Variants in ZFHX3 observed in about 807,000 individuals in gnomAD.
ZFHX3 encodes zinc finger homeobox 3.
In ZFHX3, 42 loss-of-function variants were observed where a neutral mutation model predicts 279.1. That is an observed-to-expected ratio of 0.15 (90% CI 0.12 to 0.19). The LOEUF (loss-of-function observed/expected upper bound fraction) is 0.19. ZFHX3 is among the 10% of genes least tolerant of loss of function. ZFHX3 has a pLI of 1.00. For synonymous variants in ZFHX3, 2,293 were observed against 1,957.8 expected, an observed-to-expected ratio of 1.17 and a Z score of -4.52; for missense variants, 4,981 against 4,754.0, an observed-to-expected ratio of 1.05 and a Z score of -1.40.
At chr16:73,241,999 C>T (rs964565158) in intron 5 of ZFHX3, among the ~76,000 whole-genome samples, 4 of 152,066 alleles carry the variant, frequency 2.6e-5, no homozygotes, top group Non-Finnish European at 4.4e-5. Context: ...CACTGTGAGG[C>T]TTAAATGAGA....
rs57632636 is a variant in ZFHX3, at chr16:73,090,911, G to GAAAAAAA, written c.-533+2317_-533+2323dup. Among the ~76,000 whole-genome samples the GAAAAAAA allele has an allele frequency of 9.8e-4, 106 of 108,288 alleles. 2 individuals are homozygous for GAAAAAAA. Among genetic ancestry groups the GAAAAAAA allele is most frequent in the African/African-American group, 4.0e-3 (76 of 19,168 alleles). The allele number at this position is 108,288 out of a possible 152,430, so 71.0% of individuals were successfully genotyped here. A position where few individuals can be genotyped will look rare whatever the true frequency, so the allele number is the denominator to read the frequency against. ...GGGAGACAGAGTAAGATCCCATATT[G>GAAAAAAA]AAAAAAAAAAAAAAAAAAGGCAAGG... On this transcript the variant is annotated intron_variant, in intron 8 of 17. Transcript: ENST00000641206.
intron 5 of ZFHX3, among the ~76,000 whole-genome samples, chr16:73,234,372 G>A (rs181786627): frequency 3.0e-4 from 46 of 152,276 alleles, no homozygotes; most frequent in Admixed American, 3.3e-4. Flanking sequence ...ACAGCCATGC[G>A]CGCCAGCCAC....
chr16:73,798,491 C>T (rs1960058715), intron 1 of ZFHX3, among the ~76,000 whole-genome samples: 1 of 152,072 alleles, frequency 6.6e-6, no homozygotes, highest in Admixed American at 6.6e-5. Flanking sequence ...GAAATGGGAA[C>T]CCAAACCATA....
At chr16:73,766,309 T>C (rs1216954778) in intron 1 of ZFHX3, among the ~76,000 whole-genome samples, 1 of 152,224 alleles carries the variant, frequency 6.6e-6, no homozygotes, top group Non-Finnish European at 1.5e-5. Flanking sequence ...TAAGATATTT[T>C]AACTTAAAAT....
At chr16:73,402,049 A>G (rs1031528736) in intron 3 of ZFHX3, 1 of 152,258 alleles carries the variant, frequency 6.6e-6, no homozygotes, top group African/African-American at 2.4e-5. Context: ...GGAAAGGAAC[A>G]TGACAGATTT....
chr16:73,357,179 G>C (rs954738684), intron 3 of ZFHX3, among the ~76,000 whole-genome samples: 1 of 151,812 alleles, frequency 6.6e-6, no homozygotes, highest in African/African-American at 2.4e-5. Context: ...GGAAAACCCA[G>C]ACTAAGAGAA....
intron 1 of ZFHX3, among the ~76,000 whole-genome samples, chr16:73,888,666 G>A (rs931966893): frequency 6.6e-6 from 1 of 152,140 alleles, no homozygotes; most frequent in African/African-American, 2.4e-5. Flanking sequence ...CATTTCAATT[G>A]TTCAGATGCC....
At chr16:73,295,248 G>A (rs941061006) in intron 4 of ZFHX3, among the ~76,000 whole-genome samples, 1 of 152,108 alleles carries the variant, frequency 6.6e-6, no homozygotes, top group Non-Finnish European at 1.5e-5. Flanking sequence ...CCACAGCCAC[G>A]CTCTTCCTGA....
At chr16:73,000,254 G>T (rs552720950) in intron 1 of ZFHX3, among the ~76,000 whole-genome samples, 1 of 152,346 alleles carries the variant, frequency 6.6e-6, no homozygotes, top group South Asian at 2.1e-4. Context: ...AGGGAGGGAC[G>T]AAGGGCACGC....
At chr16:73,728,466 T>A (rs555393570) in intron 1 of ZFHX3, among the ~76,000 whole-genome samples, 1 of 152,298 alleles carries the variant, frequency 6.6e-6, no homozygotes, top group African/African-American at 2.4e-5. Context: ...AGTCCCATCA[T>A]TGTAAAAAGT....
At chr16:73,882,855 T>C (rs2030216279) in intron 1 of ZFHX3, among the ~76,000 whole-genome samples, 1 of 152,112 alleles carries the variant, frequency 6.6e-6, no homozygotes, top group South Asian at 2.1e-4. Flanking sequence ...AATGTAAAGT[T>C]AATGGGAATC....
chr16:73,197,013 G>C (rs1968163915), intron 5 of ZFHX3, among the ~76,000 whole-genome samples: 1 of 152,162 alleles, frequency 6.6e-6, no homozygotes, highest in Admixed American at 6.5e-5. Flanking sequence ...CCTGGCCTAA[G>C]TAGGGCGTCT....
chr16:72,863,836 G>T (rs1233986397), intron 4 of ZFHX3, among the ~76,000 whole-genome samples: 1 of 152,124 alleles, frequency 6.6e-6, no homozygotes, highest in South Asian at 2.1e-4. Flanking sequence ...GAACACAGAA[G>T]GTTCATTTTT....
At chr16:73,881,306 T>C (rs1020317015) in intron 1 of ZFHX3, among the ~76,000 whole-genome samples, 3 of 152,152 alleles carry the variant, frequency 2.0e-5, no homozygotes, top group Non-Finnish European at 4.4e-5. Context: ...TGTCACGACA[T>C]GCAGGAGAAT....
At chr16:73,303,480 T>C (rs2015106159) in intron 4 of ZFHX3, among the ~76,000 whole-genome samples, 1 of 152,078 alleles carries the variant, frequency 6.6e-6, no homozygotes, top group South Asian at 2.1e-4. Context: ...TCCAAACACC[T>C]CACACAAATA....
chr16:73,085,852 C>G (rs148983789), intron 8 of ZFHX3, among the ~76,000 whole-genome samples: 40 of 152,056 alleles, frequency 2.6e-4, no homozygotes, highest in African/African-American at 9.4e-4. Context: ...AGCCAGGAAG[C>G]TTCTGTACAG....
At chr16:73,349,488 G>T (rs1035098471) in intron 3 of ZFHX3, among the ~76,000 whole-genome samples, 28 of 152,318 alleles carry the variant, frequency 1.8e-4, no homozygotes, top group African/African-American at 6.7e-4. Context: ...TTTCATTGGG[G>T]TGATCTTGTT....
At chr16:73,374,048 T>G (rs932030087) in intron 3 of ZFHX3, among the ~76,000 whole-genome samples, 7 of 152,174 alleles carry the variant, frequency 4.6e-5, no homozygotes, top group African/African-American at 1.4e-4. Context: ...TGCGGCAGAT[T>G]TGCCAGATCC....
chr16:72,921,510 C>A (rs2039584279), intron 3 of ZFHX3, among the ~76,000 whole-genome samples: 1 of 152,220 alleles, frequency 6.6e-6, no homozygotes, highest in African/African-American at 2.4e-5. Context: ...CCAAGAAAGA[C>A]TCCAGAAAAC....
Sources: allele counts gnomAD v4.1 joint callset (sites outside exome capture counted in the v4.1 genomes callset), GRCh38; gene constraint gnomAD v4.1.1; transcripts MANE v1.5; gene names NCBI Gene and HGNC (gene_info 2026-07-23, HGNC 2026-07-21).